Variants in EMID1 observed in about 807,000 individuals in gnomAD.
EMID1 encodes the protein EMI domain containing 1.
A neutral mutation model predicts 60.6 loss-of-function variants in EMID1; 40 were observed. That is an observed-to-expected ratio of 0.66 (90% CI 0.51 to 0.86). The LOEUF is 0.86. Ranked by LOEUF, EMID1 falls within the 40% of genes least tolerant of loss-of-function variation. The pLI is 0.00. For synonymous variants in EMID1, 242 were observed against 231.0 expected (o/e 1.05, Z -0.43); for missense variants, 585 against 597.1 (o/e 0.98, Z 0.21).
chr22:29,252,841 C>G (rs2041576105), intron 13 of EMID1, among the ~76,000 whole-genome samples: 1 of 152,144 alleles, frequency 6.6e-6, no homozygotes, highest in Non-Finnish European at 1.5e-5. Context: ...GATTGTGGAC[C>G]TGGCATAGTC....
intron 1 of EMID1, among the ~76,000 whole-genome samples, chr22:29,206,942 T>C (rs948294273): frequency 2.0e-5 from 3 of 152,206 alleles, no homozygotes; most frequent in Non-Finnish European, 4.4e-5. Context: ...ATGACAGTGT[T>C]TGAACCTGTC....
Position 29,232,266 on chromosome 22 carries a change from C to T in EMID1, c.687C>T (p.Gly229=), listed in dbSNP as rs1056317078. The part of the protein sequence containing the change: ...MGMRGPPGPQ[G]PPGSPGRAGA... Reference sequence around the variant, plus strand: ...GTGATTCCATTGCAGGTCCACAGGGCCCCCCAGGGAGCCCTGGCCGGGCTG... The same window carrying T: ...GTGATTCCATTGCAGGTCCACAGGGTCCCCCAGGGAGCCCTGGCCGGGCTG... The change falls in exon 8 of 15, where the codon GGC becomes GGT. Residue 229 remains glycine (G), a synonymous_variant. Transcript: ENST00000334018. The T allele has an allele frequency of 6.2e-7, 1 of 1,611,610 alleles. No homozygotes were observed. Among genetic ancestry groups the T allele is most frequent in the Non-Finnish European group, 8.5e-7 (1 of 1,179,796 alleles).
intron 3 of EMID1, among the ~76,000 whole-genome samples, chr22:29,221,124 TA>T (rs2040281005): frequency 7.4e-5 from 6 of 80,698 alleles, no homozygotes; most frequent in African/African-American, 1.3e-4. Context: ...TGTGTGTGTG[TA>T]GGGCACGTGA....
intron 12 of EMID1, among the ~76,000 whole-genome samples, chr22:29,243,169 C>G (rs973376968): frequency 1.3e-5 from 2 of 152,078 alleles, no homozygotes; most frequent in African/African-American, 4.8e-5. Context: ...GCTGATGGGG[C>G]TGAGGTGCAC....
chr22:29,233,727 A>G (rs1428196668), intron 10 of EMID1, 61 bp downstream of exon 10: 9 of 1,466,304 alleles, frequency 6.1e-6, no homozygotes, highest in Non-Finnish European at 3.8e-6. Flanking sequence ...CTATGCATAC[A>G]TCCATACATC....
intron 5 of EMID1, among the ~76,000 whole-genome samples, chr22:29,227,688 G>A (rs2040565506): frequency 8.1e-6 from 1 of 123,970 alleles, no homozygotes; most frequent in Non-Finnish European, 1.6e-5. Flanking sequence ...CTGGGTAACA[G>A]AGCGAGACTC....
chr22:29,248,277 TTTTC>T (rs1411972546), intron 13 of EMID1, among the ~76,000 whole-genome samples: 34 of 143,372 alleles, frequency 2.4e-4, no homozygotes, highest in African/African-American at 9.3e-4. Context: ...TTTTTTTTTT[TTTTC>T]ACTTTTTAAA....
intron 5 of EMID1, 46 bp from the exon 6 acceptor site, chr22:29,230,974 C>T: frequency 6.3e-7 from 1 of 1,590,122 alleles, no homozygotes; most frequent in East Asian, 2.3e-5. Flanking sequence ...AGGGAGGGGT[C>T]CTAGTGAGAC....
intron 3 of EMID1, among the ~76,000 whole-genome samples, chr22:29,220,494 A>G (rs2040251792): frequency 1.3e-5 from 2 of 152,094 alleles, no homozygotes; most frequent in South Asian, 2.1e-4. Context: ...AATTCCTTGC[A>G]GGAGACCTGG....
intron 1 of EMID1, 108 bp downstream of exon 1, chr22:29,206,247 G>T (rs956816911): frequency 2.3e-6 from 2 of 880,998 alleles, no homozygotes; most frequent in African/African-American, 1.8e-5. Context: ...TCCCCAGCCC[G>T]GGTGAGGGCA....
At chr22:29,254,403 C>T (rs892395013) in intron 14 of EMID1, 116 bp downstream of exon 14, 3 of 994,976 alleles carry the variant, frequency 3.0e-6, no homozygotes, top group African/African-American at 1.6e-5. Context: ...AAGGTGCCTG[C>T]CCCAGGCAAG....
intron 10 of EMID1, 57 bp from the exon 11 acceptor site, chr22:29,234,080 C>G: frequency 1.3e-6 from 2 of 1,547,244 alleles, no homozygotes. Flanking sequence ...TGTTCCCAAG[C>G]CCCTGCCCAC....
At chr22:29,206,213 G>A in intron 1 of EMID1, 74 bp downstream of exon 1, 4 of 1,125,550 alleles carry the variant, frequency 3.6e-6, no homozygotes, top group Non-Finnish European at 4.5e-6. Flanking sequence ...CTCCAGGAAG[G>A]GCTGGGATTG....
In EMID1 at chr22:29,234,334, C is replaced by T. The variant is rs755546212; in HGVS notation, c.1059C>T (p.Gly353=). The change falls in exon 12 of 15, where the codon GGC becomes GGT. Residue 353 remains glycine, a synonymous_variant. Coordinates refer to ENST00000334018, the MANE Select transcript of EMID1 (RefSeq NM_133455.4). ...RGLRGEPGPQ[G]SAGQRGEPGP... Reference sequence around the variant, plus strand: ...TGCGTGGGGAGCCTGGCCCCCAAGGCTCTGCTGGGCAGCGGGTAAGTGTTG... The same window carrying T: ...TGCGTGGGGAGCCTGGCCCCCAAGGTTCTGCTGGGCAGCGGGTAAGTGTTG... The T allele has an allele frequency of 6.2e-7, 1 of 1,614,012 alleles. No homozygotes were observed. The highest frequency in any genetic ancestry group is 8.5e-7 in the Non-Finnish European group (1 of 1,180,004).
chr22:29,249,453 A>G (rs375312561), intron 13 of EMID1, among the ~76,000 whole-genome samples: 1 of 152,040 alleles, frequency 6.6e-6, no homozygotes, highest in Non-Finnish European at 1.5e-5. Context: ...TTGTACTTTT[A>G]GTAAAGACAG....
rs545983839 is a variant in EMID1, at chr22:29,238,666, G to A, written c.1074+4317G>A. 2.9e-4 allele frequency among the ~76,000 whole-genome samples: 41 copies of A among 142,132 alleles called. 1 individual carries two copies. Among genetic ancestry groups the A allele is most frequent in the Admixed American group, 3.5e-4 (5 of 14,482 alleles). The allele number at this position is 142,132 out of a possible 152,430, so 93.2% of individuals were successfully genotyped here. ...ACTTCTGACCTCAGGTGATCCGCCC[G>A]CCTCGGCCTCCCAAAGTGGTGGGAT... On this transcript the variant is annotated intron_variant, in intron 12 of 14. Transcript: ENST00000334018.
At chr22:29,221,234 A>G (rs1233384860) in intron 3 of EMID1, among the ~76,000 whole-genome samples, 1 of 125,132 alleles carries the variant, frequency 8.0e-6, no homozygotes, top group East Asian at 2.3e-4. Context: ...CCCTGAGAGG[A>G]CAAGGTTGAG....
At chr22:29,219,543 G>A (rs2040214634) in intron 3 of EMID1, among the ~76,000 whole-genome samples, 1 of 152,178 alleles carries the variant, frequency 6.6e-6, no homozygotes, top group African/African-American at 2.4e-5. Flanking sequence ...ACTTTGGGAG[G>A]CCAAGGCAGG....
chr22:29,255,245 G>A (rs908641504), intron 14 of EMID1: 79 of 1,123,810 alleles, frequency 7.0e-5, no homozygotes, highest in Non-Finnish European at 7.9e-5. Context: ...GACTCGCACC[G>A]TCTGCTCTTC....
Sources: allele counts gnomAD v4.1 joint callset (sites outside exome capture counted in the v4.1 genomes callset), GRCh38; gene constraint gnomAD v4.1.1; transcripts MANE v1.5; gene names NCBI Gene and HGNC (gene_info 2026-07-23, HGNC 2026-07-21).